CSNK1G1: variants seen among roughly 807,000 people sequenced by gnomAD.
The protein encoded by CSNK1G1 is casein kinase I isoform gamma-1.
CSNK1G1 carries 22 observed loss-of-function variants against 59.6 expected under a neutral mutation model. The observed-to-expected ratio is 0.37, with a 90% CI of 0.26 to 0.53. The LOEUF (loss-of-function observed/expected upper bound fraction) is 0.53, where lower values mean the gene tolerates loss of function less well. CSNK1G1 is among the 20% of genes least tolerant of loss of function. The probability of loss-of-function intolerance (pLI) is 0.89; values close to 1 mark genes in which losing one functional copy is unlikely to be tolerated. For synonymous variants in CSNK1G1, 179 were observed against 177.1 expected (o/e 1.01, Z -0.08); for missense variants, 384 against 519.5 (o/e 0.74, Z 2.54).
chr15:64,342,233 A>C (rs1191790608), intron 1 of CSNK1G1, among the ~76,000 whole-genome samples: 2 of 152,214 alleles, frequency 1.3e-5, no homozygotes, highest in East Asian at 3.8e-4. Context: ...ACCACATACC[A>C]GCAGTGTGAA....
chr15:64,323,549 G>C (rs1896680345), intron 1 of CSNK1G1, among the ~76,000 whole-genome samples: 1 of 151,652 alleles, frequency 6.6e-6, no homozygotes, highest in Non-Finnish European at 1.5e-5. Flanking sequence ...ATTTTTAGTA[G>C]ACATGGGGTT....
chr15:64,320,921 T>G (rs982863266), intron 1 of CSNK1G1, among the ~76,000 whole-genome samples: 1 of 152,068 alleles, frequency 6.6e-6, no homozygotes, highest in Non-Finnish European at 1.5e-5. Context: ...GTGATCTACA[T>G]TGCCAAAAAC....
chr15:64,302,068 A>C (rs1303953841), intron 1 of CSNK1G1, among the ~76,000 whole-genome samples: 1 of 152,200 alleles, frequency 6.6e-6, no homozygotes, highest in East Asian at 1.9e-4. Context: ...AAGTGGGCAC[A>C]TAATCCAATA....
intron 4 of CSNK1G1, among the ~76,000 whole-genome samples, chr15:64,229,549 T>C (rs1029667545): frequency 3.9e-4 from 59 of 151,908 alleles, no homozygotes; most frequent in African/African-American, 1.1e-3. Flanking sequence ...TCTCTCTCTC[T>C]CTCCCTGATC....
In CSNK1G1 at chr15:64,194,499, C is replaced by CTTCTT. The variant is rs1171707900; in HGVS notation, c.1107+8578_1107+8582dup. ...AGCCACAATATATTTTTCTTTTTCT[C>CTTCTT]TTCTTTTCTTTTCTTTTCTTTTTTT... On this transcript the variant is annotated intron_variant, in intron 10 of 11. Transcript: ENST00000303052. 9.6e-3 allele frequency among the ~76,000 whole-genome samples: 1,412 copies of CTTCTT among 147,744 alleles called. 27 individuals carry two copies. The highest frequency in any genetic ancestry group is 0.034 in the African/African-American group (1,357 of 39,472).
rs916501435 is a variant in CSNK1G1, at chr15:64,176,020, G to A, written c.1215-4035C>T. On this transcript the variant is annotated intron_variant, in intron 11 of 11. Coordinates refer to ENST00000303052, the MANE Select transcript of CSNK1G1 (RefSeq NM_022048.5). The surrounding 1 kb of genome is among the most constrained non-coding windows in gnomAD (Gnocchi z 5.2). ...AAAAATAGATAATTTTGGATACTGT[G>A]GGATACTGTTATGGCAGGAGGAGAC... Among the ~76,000 whole-genome samples the A allele has an allele frequency of 1.3e-5, 2 of 152,212 alleles. No homozygotes were observed. Among genetic ancestry groups the A allele is most frequent in the Non-Finnish European group, 1.5e-5 (1 of 68,038 alleles).
In CSNK1G1 at chr15:64,185,805, T is replaced by C. The variant is rs144216912; in HGVS notation, c.1108-5351A>G. ...TGAACCCGGGAAACAGCAGTTGCAG[T>C]AAGCCAAGATCGCGCTACTGCACTC... On this transcript the variant is annotated intron_variant, in intron 10 of 11. Transcript: ENST00000303052. Among the ~76,000 whole-genome samples the C allele has an allele frequency of 2.8e-3, 389 of 137,802 alleles. 1 individual carries two copies. Among genetic ancestry groups the C allele is most frequent in the African/African-American group, 0.01 (374 of 35,792 alleles). 90.4% of individuals were successfully genotyped at this position (137,802 alleles called of 152,430 possible). A position where few individuals can be genotyped will look rare whatever the true frequency, so the allele number is the denominator to read the frequency against.
chr15:64,213,861 C>T (rs1432667611), intron 6 of CSNK1G1, 29 bp downstream of exon 6: 5 of 1,414,580 alleles, frequency 3.5e-6, no homozygotes, highest in Admixed American at 1.7e-5. Flanking sequence ...TAATGACTCG[C>T]CCCTTTCATG....
At chr15:64,332,975 A>G (rs866255861) in intron 1 of CSNK1G1, among the ~76,000 whole-genome samples, 3 of 152,128 alleles carry the variant, frequency 2.0e-5, no homozygotes, top group Non-Finnish European at 2.9e-5. Context: ...TTCCCTGACT[A>G]GCTGGGAGCA....
At position 64,214,071 on chromosome 15, in the gene CSNK1G1, C is replaced by T. The variant is rs2082280559; in HGVS notation, c.498G>A (p.Lys166=). The change falls in exon 6 of 12, where the codon AAG becomes AAA. Residue 166 remains lysine (K), a synonymous_variant. Coordinates refer to ENST00000303052, the MANE Select transcript of CSNK1G1 (RefSeq NM_022048.5). This position sits in a 1 kb window ranked among gnomAD's most constrained non-coding sequence, Gnocchi z 4.3. ...HSKNLIYRDV[K]PENFLIGRQG... Reference sequence around the variant, plus strand: ...GTCGACCAATCAGGAAGTTCTCTGGCTTGACATCTCGGTAAATGAGGTTCT... The same window carrying T: ...GTCGACCAATCAGGAAGTTCTCTGGTTTGACATCTCGGTAAATGAGGTTCT... 1.2e-6 allele frequency: 2 copies of T among 1,614,074 alleles called. No individual in the cohort carries two copies. The highest frequency in any genetic ancestry group is 1.7e-6 in the Non-Finnish European group (2 of 1,180,020).
chr15:64,256,738 T>A (rs1566922102), intron 3 of CSNK1G1, among the ~76,000 whole-genome samples: 2 of 152,156 alleles, frequency 1.3e-5, no homozygotes, highest in African/African-American at 2.4e-5. Context: ...ACGATTTTTT[T>A]AAAGGTTTTT....
chr15:64,283,445 C>T (rs1894250858), intron 2 of CSNK1G1, among the ~76,000 whole-genome samples: 1 of 151,982 alleles, frequency 6.6e-6, no homozygotes, highest in Non-Finnish European at 1.5e-5. Flanking sequence ...CGGGTTCATG[C>T]AATTCTCCTG....
At chr15:64,277,901 T>C (rs1172024514) in intron 2 of CSNK1G1, among the ~76,000 whole-genome samples, 1 of 143,258 alleles carries the variant, frequency 7.0e-6, no homozygotes, top group Non-Finnish European at 1.5e-5. Context: ...TATATTGATA[T>C]TGATATATTT....
intron 10 of CSNK1G1, among the ~76,000 whole-genome samples, chr15:64,201,716 G>GTGTGTA (rs1251165691): frequency 7.0e-6 from 1 of 142,292 alleles, no homozygotes; most frequent in Non-Finnish European, 1.5e-5. Context: ...ATGTGTGTGT[G>GTGTGTA]TGTGTGTGTG....
At chr15:64,263,783 T>C in intron 2 of CSNK1G1, among the ~76,000 whole-genome samples, 1 of 150,362 alleles carries the variant, frequency 6.7e-6, no homozygotes. Flanking sequence ...TTCTCTTCCA[T>C]TTTTTTGGTT....
rs1347227225 is a variant in CSNK1G1 at position 64,216,981 on chromosome 15, A to G, written c.293-268T>C. On this transcript the variant is annotated intron_variant, in intron 4 of 11. Transcript: ENST00000303052. The surrounding 1 kb of genome is among the most constrained non-coding windows in gnomAD (Gnocchi z 4.6). ...CCAAAAACATTTCCACTGCTATAAG[A>G]TAGAGAATGGTCCCTGATCCATTGG... is the stretch of plus-strand genomic sequence containing the variant. 6.6e-6 allele frequency among the ~76,000 whole-genome samples: 1 copy of G among 152,232 alleles called. No individual in the cohort carries two copies. Among genetic ancestry groups the G allele is most frequent in the Non-Finnish European group, 1.5e-5 (1 of 68,048 alleles).
chr15:64,265,116 C>T (rs934083136), intron 2 of CSNK1G1, among the ~76,000 whole-genome samples: 11 of 152,038 alleles, frequency 7.2e-5, no homozygotes, highest in African/African-American at 2.4e-4. Context: ...ATAGAAAATC[C>T]CAAAGACTCC....
intron 6 of CSNK1G1, among the ~76,000 whole-genome samples, chr15:64,211,463 G>A (rs2082248268): frequency 6.6e-6 from 1 of 152,108 alleles, no homozygotes; most frequent in South Asian, 2.1e-4. Context: ...AAAAACTCTG[G>A]TACTCAGTAA....
At chr15:64,275,129 C>T (rs1893534555) in intron 2 of CSNK1G1, among the ~76,000 whole-genome samples, 1 of 152,120 alleles carries the variant, frequency 6.6e-6, no homozygotes, top group Non-Finnish European at 1.5e-5. Flanking sequence ...TGAAACTCTG[C>T]CTCCCAGGTT....
Sources: allele counts gnomAD v4.1 joint callset (sites outside exome capture counted in the v4.1 genomes callset), GRCh38; gene constraint gnomAD v4.1.1; non-coding constraint Gnocchi (gnomAD v3.1); transcripts MANE v1.5; gene names NCBI Gene and HGNC (gene_info 2026-07-23, HGNC 2026-07-21).